The following ZMIZ1 variants were observed in gnomAD, a reference collection of about 807,000 sequenced individuals.
ZMIZ1 encodes the protein zinc finger MIZ domain-containing protein 1.
A neutral mutation model predicts 113.9 loss-of-function variants in ZMIZ1; 17 were observed. That is an observed-to-expected ratio of 0.15 (90% CI 0.10 to 0.22). The LOEUF (loss-of-function observed/expected upper bound fraction) is 0.22. Among genes scored for constraint, ZMIZ1 ranks in the 10% least tolerant of loss-of-function variants. ZMIZ1 has a pLI of 1.00. For synonymous variants in ZMIZ1, 607 were observed against 603.1 expected (o/e 1.01, Z -0.09); for missense variants, 1,059 against 1,477.8 (o/e 0.72, Z 4.65).
Position 79,296,992 on chromosome 10 carries a change from A to G in ZMIZ1, c.1413+339A>G, listed in dbSNP as rs1853943272. On this transcript the variant is annotated intron_variant, in intron 13 of 24. Coordinates refer to ENST00000334512, the MANE Select transcript of ZMIZ1 (RefSeq NM_020338.4). This position sits in a 1 kb window ranked among gnomAD's most constrained non-coding sequence, Gnocchi z 4.1. ...ATTTCATTCTAAACTTTGTATGTGC[A>G]GGTGGGCACTAACATGTTATAAAAT... 4.5e-6 allele frequency: 1 copy of G among 220,740 alleles called. No homozygotes were observed. Among genetic ancestry groups the G allele is most frequent in the African/African-American group, 2.3e-5 (1 of 43,758 alleles). 13.7% of individuals were successfully genotyped at this position (220,740 alleles called of 1,614,324 possible).
rs574939198 is a variant in ZMIZ1 at position 79,271,236 on chromosome 10, G to C, written c.281-5945G>C. ...TGTCTCACCCTCTGCTATGTGATCAGAAGCAGAGATGCAAAGTCCCAGGAC... is the reference window on the plus strand; with the variant it reads ...TGTCTCACCCTCTGCTATGTGATCACAAGCAGAGATGCAAAGTCCCAGGAC... On this transcript the variant is annotated intron_variant, in intron 7 of 24. Transcript: ENST00000334512. 7.2e-5 allele frequency among the ~76,000 whole-genome samples: 11 copies of C among 152,362 alleles called. No homozygotes were observed. The East Asian group carries it at 2.1e-3, about 29-fold the overall frequency.
At chr10:79,195,177 C>T (rs763269600) in intron 4 of ZMIZ1, among the ~76,000 whole-genome samples, 81 of 152,314 alleles carry the variant, frequency 5.3e-4, no homozygotes, top group Non-Finnish European at 1.1e-3. Flanking sequence ...AGCCGGAGCT[C>T]CTCACAGGGA....
At chr10:79,179,846 GT>G (rs1847039061) in intron 4 of ZMIZ1, among the ~76,000 whole-genome samples, 1 of 152,214 alleles carries the variant, frequency 6.6e-6, no homozygotes, top group African/African-American at 2.4e-5. Context: ...GCCGAGGCAG[GT>G]GGGGACCAGG....
chr10:79,278,105 G>T (rs1479142817), intron 8 of ZMIZ1, among the ~76,000 whole-genome samples: 6 of 152,260 alleles, frequency 3.9e-5, no homozygotes, highest in African/African-American at 1.4e-4. Context: ...CACCATCGAG[G>T]TGCTGCTGGG....
chr10:79,240,349 T>C (rs1256167354), intron 7 of ZMIZ1, among the ~76,000 whole-genome samples: 1 of 152,216 alleles, frequency 6.6e-6, no homozygotes, highest in Non-Finnish European at 1.5e-5. Context: ...CGGGCTGCTT[T>C]GGGCCCCAGG....
intron 4 of ZMIZ1, among the ~76,000 whole-genome samples, chr10:79,198,910 T>A (rs776391986): frequency 1.3e-5 from 2 of 152,022 alleles, no homozygotes; most frequent in Non-Finnish European, 2.9e-5. Context: ...GGCAGGCGCC[T>A]GTAATCCCAG....
intron 4 of ZMIZ1, among the ~76,000 whole-genome samples, chr10:79,180,739 G>C (rs1433517500): frequency 6.6e-6 from 1 of 152,220 alleles, no homozygotes; most frequent in Non-Finnish European, 1.5e-5. Context: ...CCTCTGCTCA[G>C]GGGGGATAAA....
At chr10:79,265,888 G>C (rs1851571690) in intron 7 of ZMIZ1, among the ~76,000 whole-genome samples, 1 of 152,136 alleles carries the variant, frequency 6.6e-6, no homozygotes, top group Non-Finnish European at 1.5e-5. Flanking sequence ...CTGGGCTTTG[G>C]CCTTGATCAA....
intron 4 of ZMIZ1, among the ~76,000 whole-genome samples, chr10:79,173,574 T>C (rs548315524): frequency 4.6e-5 from 7 of 152,238 alleles, no homozygotes; most frequent in African/African-American, 1.7e-4. Context: ...TATACCTTGA[T>C]CAACAGACAG....
In ZMIZ1 at chr10:79,311,170, G is replaced by T; in HGVS notation, c.3082G>T (p.Glu1028Ter). 1 of 1,611,870 alleles carries T rather than the reference G, an allele frequency of 6.2e-7. No individual in the cohort carries two copies. Among genetic ancestry groups the T allele is most frequent in the Non-Finnish European group, 8.5e-7 (1 of 1,178,946 alleles). Residue 1028 changes from glutamate to a stop codon, truncating the protein, a stop_gained, in exon 24 of 25, where the codon GAG becomes TAG. Coordinates refer to ENST00000334512, the MANE Select transcript of ZMIZ1 (RefSeq NM_020338.4). LOFTEE classifies it high-confidence loss of function. ...AGAQGASDMP[E>*]PSLDLLPELT... Reference sequence around the variant, plus strand: ...AGCGCAGGGAGCGTCCGACATGCCGGAGCCTTCGCTGGATGTAAGTTGGGG... The same window carrying T: ...AGCGCAGGGAGCGTCCGACATGCCGTAGCCTTCGCTGGATGTAAGTTGGGG...
intron 4 of ZMIZ1, among the ~76,000 whole-genome samples, chr10:79,196,087 C>T (rs909019420): frequency 3.3e-5 from 5 of 152,180 alleles, no homozygotes; most frequent in Non-Finnish European, 5.9e-5. Context: ...CCCTTTTACT[C>T]CAGAGACTGG....
chr10:79,312,609 C>G (rs1040297633), intron 24 of ZMIZ1, 33 bp from the exon 25 acceptor site: 1 of 1,611,532 alleles, frequency 6.2e-7, no homozygotes, highest in Non-Finnish European at 8.5e-7. Context: ...TCAGGCACAC[C>G]TCATCTGAAC....
intron 3 of ZMIZ1, among the ~76,000 whole-genome samples, chr10:79,154,568 G>A (rs1014157116): frequency 2.0e-5 from 3 of 152,212 alleles, no homozygotes; most frequent in Non-Finnish European, 2.9e-5. Flanking sequence ...CCAGCTAGGC[G>A]CCCCTTTAAG....
At chr10:79,283,668 T>C (rs1852883694) in intron 8 of ZMIZ1, among the ~76,000 whole-genome samples, 1 of 152,148 alleles carries the variant, frequency 6.6e-6, no homozygotes, top group Non-Finnish European at 1.5e-5. Context: ...AAGGGGAGAA[T>C]TGAAAGACCC....
rs1040298062 is a variant in ZMIZ1 at position 79,118,308 on chromosome 10, A to G, written c.-336-607A>G. ...CACACTTTCACGGCACCATTCATCC[A>G]TCAAGGAATCTCTGTGGTCCTTGTT... is the stretch of plus-strand genomic sequence containing the variant. On this transcript the variant is annotated intron_variant, in intron 1 of 24. Transcript: ENST00000334512. The surrounding 1 kb of genome is among the most constrained non-coding windows in gnomAD (Gnocchi z 4.1). 2.6e-5 allele frequency among the ~76,000 whole-genome samples: 4 copies of G among 152,112 alleles called. No individual in the cohort carries two copies. Among genetic ancestry groups the G allele is most frequent in the African/African-American group, 9.7e-5 (4 of 41,410 alleles).
At chr10:79,300,656 G>A in intron 16 of ZMIZ1, 76 bp from the exon 17 acceptor site, 1 of 1,510,350 alleles carries the variant, frequency 6.6e-7, no homozygotes, top group Non-Finnish European at 8.9e-7. Flanking sequence ...AGAGGTGTGT[G>A]ACCTGGCTCG....
intron 5 of ZMIZ1, among the ~76,000 whole-genome samples, chr10:79,207,930 A>G (rs1414542001): frequency 6.6e-6 from 1 of 150,530 alleles, no homozygotes; most frequent in African/African-American, 2.5e-5. Flanking sequence ...CCCTGCAGGG[A>G]TCACCTTCCG....
intron 7 of ZMIZ1, among the ~76,000 whole-genome samples, chr10:79,252,833 C>T (rs185113102): frequency 5.8e-4 from 89 of 152,354 alleles, no homozygotes; most frequent in Non-Finnish European, 6.5e-4. Context: ...CAGTACAGCA[C>T]TTAGTGCAGC....
intron 7 of ZMIZ1, among the ~76,000 whole-genome samples, chr10:79,236,936 G>T (rs1158009883): frequency 6.6e-6 from 1 of 152,218 alleles, no homozygotes; most frequent in East Asian, 1.9e-4. Context: ...ATTAAACAAG[G>T]TAAATAATTG....
Sources: gnomAD v4.1 joint callset for allele counts (sites outside exome capture counted in the v4.1 genomes callset) on GRCh38, gnomAD v4.1.1 for gene constraint, Gnocchi (gnomAD v3.1) non-coding constraint, MANE v1.5 for transcripts, NCBI Gene and HGNC (gene_info 2026-07-23, HGNC 2026-07-21) for gene names.